Variants in ERC1 observed in about 807,000 individuals in gnomAD.
The protein encoded by ERC1 is ELKS/RAB6-interacting/CAST family member 1.
ERC1 carries 56 observed loss-of-function variants against 132.0 expected under a neutral mutation model. That is an observed-to-expected ratio of 0.42 (90% CI 0.34 to 0.53). The LOEUF (loss-of-function observed/expected upper bound fraction) is 0.53. ERC1 is among the 20% of genes least tolerant of loss of function. The pLI, the probability that ERC1 is intolerant of heterozygous loss-of-function variation, is 0.03. For missense variants in ERC1, 1,202 were observed against 1,349.9 expected (o/e 0.89, Z 1.72); for synonymous variants, 478 against 476.1 (o/e 1.00, Z -0.05).
chr12:1,414,984 A>G (rs1327193867), intron 17 of ERC1, among the ~76,000 whole-genome samples: 2 of 152,224 alleles, frequency 1.3e-5, no homozygotes, highest in Non-Finnish European at 2.9e-5. Context: ...TGCTATTACT[A>G]GAAAGGGAAG....
At chr12:1,058,826 C>G (rs1973503221) in intron 2 of ERC1, among the ~76,000 whole-genome samples, 1 of 136,390 alleles carries the variant, frequency 7.3e-6, no homozygotes, top group Non-Finnish European at 1.5e-5. Flanking sequence ...AGGTCTTGCT[C>G]TCTCATCCCA....
At position 1,115,991 on chromosome 12, in the gene ERC1, C is replaced by T. The variant is rs138901829; in HGVS notation, c.1527C>T (p.Ser509=). The change falls in exon 7 of 19, where the codon TCC becomes TCT. Residue 509 remains serine (S), a synonymous_variant. Transcript: ENST00000360905. ...AGCACATTGAAGTGTTGAAGGAGTC[C>T]TTGACTGCTAAGGAGCAGAGGGCTG... ...SKQHIEVLKE[S]LTAKEQRAAI... is the part of the protein sequence containing the mutation. 5.9e-4 allele frequency: 946 copies of T among 1,613,956 alleles called. 14 individuals carry two copies. In the East Asian group the frequency reaches 0.019, roughly 32 times the overall value.
intron 12 of ERC1, among the ~76,000 whole-genome samples, chr12:1,211,767 G>A (rs1339548295): frequency 1.4e-5 from 2 of 148,054 alleles, no homozygotes; most frequent in African/African-American, 2.5e-5. Context: ...ACATGGTTTC[G>A]TCATGTTGGC....
intron 18 of ERC1, among the ~76,000 whole-genome samples, chr12:1,486,770 C>G (rs2094225388): frequency 6.6e-6 from 1 of 152,092 alleles, no homozygotes; most frequent in Non-Finnish European, 1.5e-5. Context: ...TTGCGGAAAA[C>G]TCCTGAAAAA....
At chr12:1,276,672 G>A (rs2078297539) in intron 14 of ERC1, among the ~76,000 whole-genome samples, 1 of 151,936 alleles carries the variant, frequency 6.6e-6, no homozygotes, top group African/African-American at 2.4e-5. Context: ...AAAGCTCCTT[G>A]AGGGCAGGAG....
At chr12:1,390,962 C>G (rs919662348) in intron 16 of ERC1, 1 of 152,248 alleles carries the variant, frequency 6.6e-6, no homozygotes, top group South Asian at 2.1e-4. Flanking sequence ...CTGTTTCTGA[C>G]TTCTGGTGCC....
chr12:1,106,555 G>A (rs952210692), intron 4 of ERC1, among the ~76,000 whole-genome samples: 1 of 151,784 alleles, frequency 6.6e-6, no homozygotes, highest in Non-Finnish European at 1.5e-5. Context: ...CTTTATTCTC[G>A]GTGGGGAAAG....
chr12:1,460,448 A>G (rs945984568), intron 18 of ERC1, among the ~76,000 whole-genome samples: 3 of 152,168 alleles, frequency 2.0e-5, no homozygotes, highest in African/African-American at 7.2e-5. Flanking sequence ...GCTGCCAGTT[A>G]CACCAAGCTC....
intron 2 of ERC1, among the ~76,000 whole-genome samples, chr12:1,077,864 G>A (rs1941594017): frequency 6.6e-6 from 1 of 152,112 alleles, no homozygotes; most frequent in African/African-American, 2.4e-5. Context: ...GGAGTTGGCA[G>A]GAATTTTTAT....
intron 16 of ERC1, among the ~76,000 whole-genome samples, chr12:1,374,927 CA>C (rs1193361749): frequency 6.7e-6 from 1 of 149,560 alleles, no homozygotes; most frequent in Non-Finnish European, 1.5e-5. Context: ...TAGATAATCT[CA>C]TTTACAACTA....
At chr12:1,094,602 G>A (rs147370117) in intron 3 of ERC1, among the ~76,000 whole-genome samples, 145 of 152,000 alleles carry the variant, frequency 9.5e-4, no homozygotes, top group Non-Finnish European at 1.4e-3. Context: ...GTAGAAATGG[G>A]GTTTCACTGT....
chr12:1,187,619 T>C (rs1955250310), intron 11 of ERC1, among the ~76,000 whole-genome samples: 1 of 152,190 alleles, frequency 6.6e-6, no homozygotes, highest in Non-Finnish European at 1.5e-5. Flanking sequence ...GCACTTATAT[T>C]TAATTACTGA....
intron 18 of ERC1, among the ~76,000 whole-genome samples, chr12:1,488,948 C>G (rs1402687761): frequency 6.6e-6 from 1 of 152,186 alleles, no homozygotes; most frequent in East Asian, 1.9e-4. Context: ...CCTTGGTGGA[C>G]TCTTCCTTCT....
chr12:1,399,912 G>T (rs546417578), intron 16 of ERC1, among the ~76,000 whole-genome samples: 21 of 152,142 alleles, frequency 1.4e-4, no homozygotes, highest in Non-Finnish European at 2.6e-4. Flanking sequence ...CCTAGGATTG[G>T]AATTGCTAAG....
At position 1,492,352 on chromosome 12, in the gene ERC1, T is replaced by G. The variant is rs1333856502; in HGVS notation, c.*2122T>G. 1 of 233,106 alleles carries G rather than the reference T, an allele frequency of 4.3e-6. No homozygotes were observed. The highest frequency in any genetic ancestry group is 2.2e-5 in the African/African-American group (1 of 45,336). 14.4% of individuals were successfully genotyped at this position (233,106 alleles called of 1,614,324 possible). On this transcript the variant is annotated 3_prime_UTR_variant, in exon 19 of 19. Coordinates refer to ENST00000360905, the MANE Select transcript of ERC1 (RefSeq NM_178040.4). The stretch of plus-strand genomic sequence containing the variant: ...GCAGGAGTGTTAGCATCTCGCTTTA[T>G]CCACCATAACGTAAAGAACTGCGGT...
At chr12:1,314,631 C>T (rs1291852163) in intron 15 of ERC1, among the ~76,000 whole-genome samples, 1 of 152,108 alleles carries the variant, frequency 6.6e-6, no homozygotes, top group East Asian at 1.9e-4. Context: ...TAACTCCAGC[C>T]AGTTTTTTTC....
At chr12:1,194,483 G>T (rs754769128) in intron 12 of ERC1, among the ~76,000 whole-genome samples, 48 of 152,116 alleles carry the variant, frequency 3.2e-4, no homozygotes, top group South Asian at 1.9e-3. Flanking sequence ...ACTGGAGGCT[G>T]ATACAGGATT....
intron 2 of ERC1, among the ~76,000 whole-genome samples, chr12:1,030,156 T>A (rs541158997): frequency 6.6e-6 from 1 of 152,266 alleles, no homozygotes; most frequent in South Asian, 2.1e-4. Flanking sequence ...CAAGCTTGAG[T>A]TTTTTTCCTC....
intron 18 of ERC1, among the ~76,000 whole-genome samples, chr12:1,462,215 G>T (rs2093658009): frequency 6.6e-6 from 1 of 152,172 alleles, no homozygotes; most frequent in African/African-American, 2.4e-5. Context: ...AAGATATGGA[G>T]CAACTGGAAC....
Sources: allele counts gnomAD v4.1 joint callset (sites outside exome capture counted in the v4.1 genomes callset), GRCh38; gene constraint gnomAD v4.1.1; transcripts MANE v1.5; gene names NCBI Gene and HGNC (gene_info 2026-07-23, HGNC 2026-07-21).